The following DOP1A variants were observed in gnomAD, a reference collection of about 807,000 sequenced individuals.
The protein encoded by DOP1A is DOP1 leucine zipper like protein A.
In DOP1A, 90 loss-of-function variants were observed where a neutral mutation model predicts 267.6. The ratio of observed to expected loss-of-function variants is 0.34; its 90% CI spans 0.28 to 0.40. The LOEUF (loss-of-function observed/expected upper bound fraction) is 0.40. DOP1A is among the 10% of genes least tolerant of loss of function. DOP1A has a pLI of 1.00. For synonymous variants in DOP1A, 932 were observed against 999.1 expected, an observed-to-expected ratio of 0.93 and a Z score of 1.27; for missense variants, 2,437 against 2,900.4, an observed-to-expected ratio of 0.84 and a Z score of 3.67.
rs879935673 is a variant in DOP1A, at chr6:83,105,039, G to A, written c.321-3871G>A. 2.1e-4 allele frequency among the ~76,000 whole-genome samples: 32 copies of A among 151,836 alleles called. 1 individual carries two copies. Among genetic ancestry groups the A allele is most frequent in the Admixed American group, 2.6e-4 (4 of 15,252 alleles). ...ATTCTCCTGTAACTTTTTCTTCTCT[G>A]CTGTAACATTTATCACCATCTGATA... On this transcript the variant is annotated intron_variant, in intron 4 of 38. Transcript: ENST00000349129.
chr6:83,112,370 A>ATATATAT (rs1774709899), intron 6 of DOP1A, among the ~76,000 whole-genome samples: 1 of 151,920 alleles, frequency 6.6e-6, no homozygotes, highest in Non-Finnish European at 1.5e-5. Flanking sequence ...ATACAAATAT[A>ATATATAT]TATATATATA....
intron 4 of DOP1A, among the ~76,000 whole-genome samples, chr6:83,106,195 G>A (rs1478776627): frequency 6.6e-6 from 1 of 152,066 alleles, no homozygotes; most frequent in Non-Finnish European, 1.5e-5. Context: ...GCCTCTTCAA[G>A]CTTATTTCTT....
intron 37 of DOP1A, among the ~76,000 whole-genome samples, 197 bp from the exon 38 acceptor site, chr6:83,162,593 A>C (rs1039545268): frequency 6.6e-6 from 1 of 152,200 alleles, no homozygotes; most frequent in African/African-American, 2.4e-5. Flanking sequence ...TGAGGTAGTT[A>C]ATAGTATCTT....
At position 83,140,378 on chromosome 6, in the gene DOP1A, C is replaced by T; in HGVS notation, c.5390C>T (p.Thr1797Ile). ...KMTIAASASL[T>I]TINLGATKNL... ...ACTATTGCCGCATCCGCATCTCTTA[C>T]CACTATTAATCTTGGAGCTACAAAG... The change falls in exon 23 of 39, where the codon ACC becomes ATC. Residue 1797 changes from threonine (T) to isoleucine (I), a missense_variant. By Grantham distance (89) the Thr-to-Ile change is moderately conservative. Coordinates refer to ENST00000349129, the MANE Select transcript of DOP1A (RefSeq NM_015018.4). The T allele has an allele frequency of 1.1e-5, 17 of 1,610,496 alleles. No individual in the cohort carries two copies. Among genetic ancestry groups the T allele is most frequent in the Non-Finnish European group, 1.4e-5 (16 of 1,179,094 alleles).
At chr6:83,074,535 G>A (rs968869995) in intron 1 of DOP1A, among the ~76,000 whole-genome samples, 11 of 152,156 alleles carry the variant, frequency 7.2e-5, no homozygotes, top group Middle Eastern at 3.4e-3. Context: ...ATAAAAACTC[G>A]ACTTCTAGTA....
At chr6:83,115,323 A>G (rs990666456) in intron 7 of DOP1A, among the ~76,000 whole-genome samples, 1 of 152,234 alleles carries the variant, frequency 6.6e-6, no homozygotes, top group Non-Finnish European at 1.5e-5. Context: ...TGAAATATGT[A>G]TACATTCTGG....
chr6:83,100,500 G>A (rs1214770439), intron 3 of DOP1A, among the ~76,000 whole-genome samples: 1 of 152,024 alleles, frequency 6.6e-6, no homozygotes, highest in African/African-American at 2.4e-5. Flanking sequence ...CTGTTAACAG[G>A]TAACGAGTTT....
chr6:83,073,961 A>G (rs1786041295), intron 1 of DOP1A, among the ~76,000 whole-genome samples: 1 of 152,154 alleles, frequency 6.6e-6, no homozygotes, highest in Non-Finnish European at 1.5e-5. Context: ...GCAGTGTTAT[A>G]TTGATTATTC....
chr6:83,165,776 G>A (rs992124387), intron 38 of DOP1A: 9 of 259,044 alleles, frequency 3.5e-5, no homozygotes, highest in African/African-American at 9.0e-5. Flanking sequence ...GTTGTGCAAC[G>A]TGCGGCCCAG....
chr6:83,069,459 A>G (rs1025903543), intron 1 of DOP1A, among the ~76,000 whole-genome samples: 1 of 152,088 alleles, frequency 6.6e-6, no homozygotes, highest in Non-Finnish European at 1.5e-5. Flanking sequence ...ATGGTTAACA[A>G]CTCTTAGAAT....
intron 38 of DOP1A, chr6:83,166,763 G>A (rs1392383215): frequency 1.6e-5 from 18 of 1,096,134 alleles, no homozygotes; most frequent in Non-Finnish European, 1.6e-5. Context: ...GCTGGATTTT[G>A]CATCTGCTTG....
At chr6:83,074,268 G>T (rs1023433355) in intron 1 of DOP1A, among the ~76,000 whole-genome samples, 1 of 152,054 alleles carries the variant, frequency 6.6e-6, no homozygotes, top group African/African-American at 2.4e-5. Flanking sequence ...GAGTTGAGAC[G>T]TAGCACTTAA....
intron 1 of DOP1A, among the ~76,000 whole-genome samples, chr6:83,079,585 T>A (rs1007654741): frequency 1.3e-5 from 2 of 152,104 alleles, no homozygotes; most frequent in Non-Finnish European, 2.9e-5. Context: ...TAGCATACTA[T>A]TTATTTTTTA....
At chr6:83,091,837 G>A (rs111474895) in intron 1 of DOP1A, among the ~76,000 whole-genome samples, 62 of 152,236 alleles carry the variant, frequency 4.1e-4, no homozygotes, top group African/African-American at 1.4e-3. Flanking sequence ...AAATTTATGC[G>A]TGTGTTTTAC....
intron 1 of DOP1A, 25 bp from the exon 2 acceptor site, chr6:83,096,706 T>G (rs1477599236): frequency 4.8e-6 from 2 of 412,486 alleles, no homozygotes; most frequent in African/African-American, 4.1e-5. Flanking sequence ...TACTAAATTT[T>G]CACAGTCATT....
intron 1 of DOP1A, among the ~76,000 whole-genome samples, chr6:83,086,589 G>T (rs1476024465): frequency 6.6e-6 from 1 of 152,142 alleles, no homozygotes; most frequent in African/African-American, 2.4e-5. Context: ...AAAAAAAGAG[G>T]CTAAGAGATA....
intron 38 of DOP1A, chr6:83,166,175 C>G (rs1207905908): frequency 2.0e-6 from 1 of 503,122 alleles, no homozygotes; most frequent in Non-Finnish European, 3.5e-6. Context: ...TCATGAGGCA[C>G]CCATTTATTG....
At chr6:83,121,588 T>G (rs530415324) in intron 10 of DOP1A, among the ~76,000 whole-genome samples, 34 of 151,848 alleles carry the variant, frequency 2.2e-4, no homozygotes, top group South Asian at 6.2e-4. Flanking sequence ...TTCTAACCCT[T>G]AACAGTCCTG....
intron 38 of DOP1A, chr6:83,166,995 CTCTTA>C (rs1368050481): frequency 7.1e-6 from 7 of 985,840 alleles, no homozygotes; most frequent in Non-Finnish European, 8.4e-6. Context: ...AACCTGTTCT[CTCTTA>C]TCTTTCTCTA....
Sources: gnomAD v4.1 joint callset for allele counts (sites outside exome capture counted in the v4.1 genomes callset) on GRCh38, gnomAD v4.1.1 for gene constraint, MANE v1.5 for transcripts, NCBI Gene and HGNC (gene_info 2026-07-23, HGNC 2026-07-21) for gene names.